PSMB2: variants seen among roughly 807,000 people sequenced by gnomAD.
PSMB2 encodes the protein proteasome subunit beta type-2.
A neutral mutation model predicts 25.7 loss-of-function variants in PSMB2; 13 were observed. That is an observed-to-expected ratio of 0.51 (90% CI 0.33 to 0.80). The LOEUF is 0.80. PSMB2 is among the 30% of genes least tolerant of loss of function. The pLI is 0.02. For synonymous variants in PSMB2, 87 were observed against 96.2 expected, an observed-to-expected ratio of 0.90 and a Z score of 0.56; for missense variants, 202 against 259.0, an observed-to-expected ratio of 0.78 and a Z score of 1.51.
chr1:35,640,585 A>G (rs1362573808), intron 1 of PSMB2, among the ~76,000 whole-genome samples: 1 of 152,160 alleles, frequency 6.6e-6, no homozygotes, highest in African/African-American at 2.4e-5. Flanking sequence ...TCTCCCCAGG[A>G]TCCCACCTTA....
In PSMB2 at chr1:35,602,695, A is replaced by C. The variant is rs1361004531; in HGVS notation, c.*572T>G. ...GTATTTTTAGTAGAGACGGGGTTTT[A>C]CCATGTTGGTCAGGATGGTCTCGCT... On this transcript the variant is annotated 3_prime_UTR_variant, in exon 6 of 6. Coordinates refer to ENST00000373237, the MANE Select transcript of PSMB2 (RefSeq NM_002794.5). 2 of 163,568 alleles carry C rather than the reference A, an allele frequency of 1.2e-5. No homozygotes were observed. The highest frequency in any genetic ancestry group is 2.4e-5 in the African/African-American group (1 of 41,538). 10.1% of individuals were successfully genotyped at this position (163,568 alleles called of 1,614,324 possible). A position where few individuals can be genotyped will look rare whatever the true frequency, so the allele number is the denominator to read the frequency against.
chr1:35,617,897 C>T (rs868205250), intron 3 of PSMB2, among the ~76,000 whole-genome samples: 1 of 152,284 alleles, frequency 6.6e-6, no homozygotes, highest in African/African-American at 2.4e-5. Flanking sequence ...CTCTGCTGAT[C>T]CAAGCCTTTT....
intron 4 of PSMB2, among the ~76,000 whole-genome samples, chr1:35,605,884 T>C (rs1031767443): frequency 3.9e-5 from 6 of 152,186 alleles, no homozygotes; most frequent in African/African-American, 1.4e-4. Context: ...TCAGCTGTAT[T>C]ACTGACAGAT....
intron 3 of PSMB2, among the ~76,000 whole-genome samples, chr1:35,618,342 G>A (rs1263622763): frequency 6.6e-6 from 1 of 152,128 alleles, no homozygotes; most frequent in Non-Finnish European, 1.5e-5. Flanking sequence ...AAAGACAGAT[G>A]GGAAGAGAAA....
At chr1:35,621,396 G>C (rs1281845037) in intron 3 of PSMB2, among the ~76,000 whole-genome samples, 1 of 152,184 alleles carries the variant, frequency 6.6e-6, no homozygotes, top group Non-Finnish European at 1.5e-5. Flanking sequence ...GGACAATGCA[G>C]GCTGGAGACT....
chr1:35,616,648 C>T (rs556763460), intron 3 of PSMB2, among the ~76,000 whole-genome samples: 4 of 152,304 alleles, frequency 2.6e-5, no homozygotes, highest in Admixed American at 6.5e-5. Context: ...TGTGGTAGTT[C>T]AATAAATACC....
intron 3 of PSMB2, among the ~76,000 whole-genome samples, chr1:35,620,630 A>T (rs1284170894): frequency 6.8e-6 from 1 of 147,042 alleles, no homozygotes; most frequent in East Asian, 2.2e-4. Flanking sequence ...CAGGAGGCTG[A>T]GGCAGGAGAA....
chr1:35,628,596 A>AAAAAATATATATATATAT (rs59538661), intron 3 of PSMB2, among the ~76,000 whole-genome samples: 3 of 25,096 alleles, frequency 1.2e-4, no homozygotes, highest in Non-Finnish European at 2.3e-4. Context: ...AAAAAAAAAA[A>AAAAAATATATATATATAT]ATATATATAT....
At chr1:35,628,986 A>G in intron 3 of PSMB2, among the ~76,000 whole-genome samples, 1 of 152,220 alleles carries the variant, frequency 6.6e-6, no homozygotes, top group East Asian at 1.9e-4. Flanking sequence ...AACCAAAGGC[A>G]GAATAGTCAA....
At chr1:35,607,054 A>G (rs1339749754) in intron 4 of PSMB2, among the ~76,000 whole-genome samples, 1 of 152,230 alleles carries the variant, frequency 6.6e-6, no homozygotes, top group Non-Finnish European at 1.5e-5. Context: ...ATTCAACTCA[A>G]AATGGATCAA....
At chr1:35,605,768 C>T (rs1650150696) in intron 4 of PSMB2, among the ~76,000 whole-genome samples, 1 of 152,196 alleles carries the variant, frequency 6.6e-6, no homozygotes, top group South Asian at 2.1e-4. Context: ...GGCTGAGACT[C>T]TCCCCAAATA....
Position 35,603,101 on chromosome 1 carries a change from G to A in PSMB2, c.*166C>T. ...CATCTTCCCTCCATATCCTTTCTGA[G>A]GTAATATTAGGTAAACTGAGACCTG... On this transcript the variant is annotated 3_prime_UTR_variant, in exon 6 of 6. Coordinates refer to ENST00000373237, the MANE Select transcript of PSMB2 (RefSeq NM_002794.5). 1 of 1,405,254 alleles carries A rather than the reference G, an allele frequency of 7.1e-7. No homozygotes were observed. The highest frequency in any genetic ancestry group is 9.3e-7 in the Non-Finnish European group (1 of 1,080,820). 87.0% of individuals were successfully genotyped at this position (1,405,254 alleles called of 1,614,324 possible).
At chr1:35,631,453 G>C (rs1457660157) in intron 2 of PSMB2, 109 bp from the exon 3 acceptor site, 1 of 1,546,514 alleles carries the variant, frequency 6.5e-7, no homozygotes, top group Non-Finnish European at 8.7e-7. Context: ...TGTACACTCA[G>C]AGTAAACAAA....
chr1:35,621,816 T>C (rs1650692891), intron 3 of PSMB2, among the ~76,000 whole-genome samples: 1 of 151,966 alleles, frequency 6.6e-6, no homozygotes, highest in Non-Finnish European at 1.5e-5. Context: ...GCCAACACAG[T>C]GAAACCCCAT....
chr1:35,601,861 T>C lies in PSMB2; in HGVS notation c.*1406A>G. Reference sequence around the variant, plus strand: ...TTTTAATAGCTTTAACCACAAAACATCCACATTGTTCCCTAAAGTTATGCT... The same window carrying C: ...TTTTAATAGCTTTAACCACAAAACACCCACATTGTTCCCTAAAGTTATGCT... On this transcript the variant is annotated 3_prime_UTR_variant, in exon 6 of 6. Coordinates refer to ENST00000373237, the MANE Select transcript of PSMB2 (RefSeq NM_002794.5). 4 of 985,446 alleles carry C rather than the reference T, an allele frequency of 4.1e-6. No homozygotes were observed. The highest frequency in any genetic ancestry group is 4.7e-5 in the South Asian group (1 of 21,288). 61.0% of individuals were successfully genotyped at this position (985,446 alleles called of 1,614,324 possible). A position where few individuals can be genotyped will look rare whatever the true frequency, so the allele number is the denominator to read the frequency against.
intron 3 of PSMB2, among the ~76,000 whole-genome samples, chr1:35,629,512 A>G (rs1312101246): frequency 2.0e-5 from 3 of 152,232 alleles, no homozygotes; most frequent in African/African-American, 7.2e-5. Flanking sequence ...ATAGAAAAAC[A>G]CAGGTAAGTA....
At chr1:35,618,245 AGAGT>A (rs369561574) in intron 3 of PSMB2, among the ~76,000 whole-genome samples, 75 of 152,326 alleles carry the variant, frequency 4.9e-4, no homozygotes, top group African/African-American at 1.7e-3. Flanking sequence ...GGGAGAAAGA[AGAGT>A]GAGGACTCTC....
At chr1:35,637,925 GTA>G (rs1215789472) in intron 1 of PSMB2, among the ~76,000 whole-genome samples, 1 of 152,164 alleles carries the variant, frequency 6.6e-6, no homozygotes, top group Non-Finnish European at 1.5e-5. Flanking sequence ...AGTGGTAAGA[GTA>G]TGGGCAGTTT....
In PSMB2 at chr1:35,600,857, A is replaced by G. The variant is rs1305904646; in HGVS notation, c.*2410T>C. ...ATGCAGAATAACAAGTTTACCAATC[A>G]TTATACACTTACTGAGCACTTACCA... is the stretch of plus-strand genomic sequence containing the variant. On this transcript the variant is annotated 3_prime_UTR_variant, in exon 6 of 6. Transcript: ENST00000373237. 1.0e-6 allele frequency: 1 copy of G among 985,316 alleles called. No homozygotes were observed. The highest frequency in any genetic ancestry group is 1.7e-5 in the African/African-American group (1 of 57,238). 61.0% of individuals were successfully genotyped at this position (985,316 alleles called of 1,614,324 possible).
Sources: allele counts gnomAD v4.1 joint callset (sites outside exome capture counted in the v4.1 genomes callset), GRCh38; gene constraint gnomAD v4.1.1; transcripts MANE v1.5; gene names NCBI Gene and HGNC (gene_info 2026-07-23, HGNC 2026-07-21).